Variants in GORASP2 observed in about 807,000 individuals in gnomAD.
GORASP2 encodes Golgi reassembly-stacking protein 2.
GORASP2 carries 22 observed loss-of-function variants against 45.7 expected under a neutral mutation model. That is an observed-to-expected ratio of 0.48 (90% CI 0.34 to 0.69). GORASP2 has a LOEUF of 0.69. Ranked by LOEUF, GORASP2 falls within the 30% of genes least tolerant of loss-of-function variation. The pLI is 0.01. For missense variants in GORASP2, 491 were observed against 562.7 expected, an observed-to-expected ratio of 0.87 and a Z score of 1.29; for synonymous variants, 221 against 215.6, an observed-to-expected ratio of 1.02 and a Z score of -0.22.
At position 170,934,258 on chromosome 2, in the gene GORASP2, TG is replaced by T. The variant is rs201445221; in HGVS notation, c.63+4856del. Among the ~76,000 whole-genome samples the T allele has an allele frequency of 2.8e-3, 407 of 143,632 alleles. 2 individuals carry two copies. Among genetic ancestry groups the T allele is most frequent in the East Asian group, 6.0e-3 (31 of 5,140 alleles). 94.2% of individuals were successfully genotyped at this position (143,632 alleles called of 152,430 possible). ...GAAACTCATACCCTGTTTTTTTTTTTGTTGTTGTTGTTGTTGTTTTGTTTTG... is the reference window on the plus strand; with the variant it reads ...GAAACTCATACCCTGTTTTTTTTTTTTTGTTGTTGTTGTTGTTTTGTTTTG... On this transcript the variant is annotated intron_variant, in intron 1 of 9. Coordinates refer to ENST00000234160, the MANE Select transcript of GORASP2 (RefSeq NM_015530.5).
Position 170,966,218 on chromosome 2 carries a change from TTG to T in GORASP2, c.*90_*91del. On this transcript the variant is annotated 3_prime_UTR_variant, in exon 10 of 10. Coordinates refer to ENST00000234160, the MANE Select transcript of GORASP2 (RefSeq NM_015530.5). ...AAACTATCATTAATTTCATACTAGTTTGTACCGTATCTGTAGGCATCCTGTAA... is the reference window on the plus strand; with the variant it reads ...AAACTATCATTAATTTCATACTAGTTTACCGTATCTGTAGGCATCCTGTAA... 1 of 932,058 alleles carries T rather than the reference TTG, an allele frequency of 1.1e-6. No homozygotes were observed. Among genetic ancestry groups the T allele is most frequent in the Non-Finnish European group, 1.7e-6 (1 of 579,990 alleles). 57.7% of individuals were successfully genotyped at this position (932,058 alleles called of 1,614,324 possible). A position where few individuals can be genotyped will look rare whatever the true frequency, so the allele number is the denominator to read the frequency against.
chr2:170,940,966 CT>C (rs1704063219), intron 1 of GORASP2, among the ~76,000 whole-genome samples: 1 of 152,286 alleles, frequency 6.6e-6, no homozygotes, highest in Non-Finnish European at 1.5e-5. Flanking sequence ...AAAAATCCAG[CT>C]TCTAATCATT....
chr2:170,966,393 C>G lies in GORASP2; in HGVS notation c.*263C>G, dbSNP rs992306587. On this transcript the variant is annotated 3_prime_UTR_variant, in exon 10 of 10. Coordinates refer to ENST00000234160, the MANE Select transcript of GORASP2 (RefSeq NM_015530.5). ...AGGGTGGCTTGCTGCCAGGCTTGCA[C>G]TGCCGTTCCTGGGGGTGTGCATCTT... 3.9e-6 allele frequency: 2 copies of G among 514,752 alleles called. No individual in the cohort carries two copies. Among genetic ancestry groups the G allele is most frequent in the African/African-American group, 3.9e-5 (2 of 51,908 alleles). 31.9% of individuals were successfully genotyped at this position (514,752 alleles called of 1,614,324 possible). A position where few individuals can be genotyped will look rare whatever the true frequency, so the allele number is the denominator to read the frequency against.
rs1186217335 is a variant in GORASP2 at position 170,963,432 on chromosome 2, A to ACTG, written c.1018+504_1018+506dup. On this transcript the variant is annotated intron_variant, in intron 9 of 9. Transcript: ENST00000234160. ...AGAATGTCTCTCAGTCCCCGCTGCT[A>ACTG]CTGCTGCTGCTGCTGCTGCTCCTCC... is the stretch of plus-strand genomic sequence containing the variant. 4.4e-4 allele frequency among the ~76,000 whole-genome samples: 59 copies of ACTG among 133,834 alleles called. 1 individual carries two copies. In the East Asian group the frequency reaches 4.7e-3, roughly 11 times the overall value. The allele number at this position is 133,834 out of a possible 152,430, so 87.8% of individuals were successfully genotyped here.
At chr2:170,929,649 C>A in intron 1 of GORASP2, 1 of 609,352 alleles carries the variant, frequency 1.6e-6, no homozygotes, top group South Asian at 1.7e-5. Flanking sequence ...CGGCTGCCGG[C>A]GACTCGGCCA....
rs547885833 is a variant in GORASP2 at position 170,936,193 on chromosome 2, TAGAA to T, written c.63+6793_63+6796del. Among the ~76,000 whole-genome samples, 4 of 151,042 alleles carry T rather than the reference TAGAA, an allele frequency of 2.6e-5. No homozygotes were observed. The East Asian group carries it at 7.8e-4, about 29-fold the overall frequency. On this transcript the variant is annotated intron_variant, in intron 1 of 9. Transcript: ENST00000234160. ...TAAAATACTAATGTAAACTAGGAAA[TAGAA>T]AGTTTGATATGTGCTTTTGAAACTG...
chr2:170,929,196 C>T (rs1402970701), upstream of GORASP2: 2 of 546,376 alleles, frequency 3.7e-6, no homozygotes, highest in African/African-American at 2.0e-5. Context: ...GCAGCAGAGA[C>T]GATCTCCCGG....
At position 170,948,459 on chromosome 2, in the gene GORASP2, A is replaced by G. The variant is rs554894899; in HGVS notation, c.144+29A>G. The G allele has an allele frequency of 9.9e-6, 12 of 1,213,602 alleles. 1 individual carries two copies. Among genetic ancestry groups the G allele is most frequent in the Non-Finnish European group, 1.3e-5 (11 of 829,162 alleles). 75.2% of individuals were successfully genotyped at this position (1,213,602 alleles called of 1,614,324 possible). ...AGTTCAACTTTCTGTAGTTTTGTCT[A>G]TAGTATTTGTAATCTCTCAAAAATG... On this transcript the variant is annotated intron_variant, in intron 2 of 9. Coordinates refer to ENST00000234160, the MANE Select transcript of GORASP2 (RefSeq NM_015530.5).
In GORASP2 at chr2:170,966,378, G is replaced by C; in HGVS notation, c.*248G>C. 1 of 536,656 alleles carries C rather than the reference G, an allele frequency of 1.9e-6. No individual in the cohort carries two copies. Among genetic ancestry groups the C allele is most frequent in the Non-Finnish European group, 3.3e-6 (1 of 299,188 alleles). 33.2% of individuals were successfully genotyped at this position (536,656 alleles called of 1,614,324 possible). ...CCAAAAAGAATTGTAAGGGTGGCTT[G>C]CTGCCAGGCTTGCACTGCCGTTCCT... On this transcript the variant is annotated 3_prime_UTR_variant, in exon 10 of 10. Transcript: ENST00000234160.
chr2:170,929,481 C>T, intron 1 of GORASP2, 78 bp downstream of exon 1: 1 of 1,112,806 alleles, frequency 9.0e-7, no homozygotes, highest in Non-Finnish European at 1.2e-6. Flanking sequence ...CCCCCATGGG[C>T]TCCTTCACGG....
chr2:170,957,760 C>T (rs1704462845), intron 7 of GORASP2, among the ~76,000 whole-genome samples: 3 of 152,160 alleles, frequency 2.0e-5, no homozygotes, highest in African/African-American at 7.2e-5. Context: ...ATAACCTCAA[C>T]CAATTTCAGA....
At chr2:170,946,287 G>A (rs1704181180) in intron 1 of GORASP2, among the ~76,000 whole-genome samples, 1 of 152,080 alleles carries the variant, frequency 6.6e-6, no homozygotes, top group Non-Finnish European at 1.5e-5. Context: ...ACAGGCATGA[G>A]CCACTGCACC....
intron 1 of GORASP2, chr2:170,929,726 C>A: frequency 1.7e-6 from 1 of 574,194 alleles, no homozygotes. Context: ...CTCCTCCACC[C>A]CCCCTCATTT....
intron 9 of GORASP2, among the ~76,000 whole-genome samples, chr2:170,963,432 A>ACTGCTGCTG (rs1186217335): frequency 2.2e-5 from 3 of 133,828 alleles, no homozygotes; most frequent in Non-Finnish European, 4.7e-5. Flanking sequence ...CCCCGCTGCT[A>ACTGCTGCTG]CTGCTGCTGC....
At chr2:170,952,451 C>T (rs1384254387) in intron 5 of GORASP2, among the ~76,000 whole-genome samples, 1 of 152,184 alleles carries the variant, frequency 6.6e-6, no homozygotes, top group Non-Finnish European at 1.5e-5. Context: ...ATTCCTTCCT[C>T]AGAGGCTGAC....
At chr2:170,943,640 A>AT (rs1704124028) in intron 1 of GORASP2, among the ~76,000 whole-genome samples, 1 of 152,062 alleles carries the variant, frequency 6.6e-6, no homozygotes, top group South Asian at 2.1e-4. Flanking sequence ...AAAGTCTATT[A>AT]TTTTTTCACT....
chr2:170,936,661 A>G, intron 1 of GORASP2: 1 of 1,298,446 alleles, frequency 7.7e-7, no homozygotes, highest in Non-Finnish European at 1.0e-6. Flanking sequence ...TGTCAGAAAT[A>G]AGGAAGCTTA....
chr2:170,959,018 TG>T (rs1704492218), intron 7 of GORASP2, among the ~76,000 whole-genome samples: 1 of 149,818 alleles, frequency 6.7e-6, no homozygotes, highest in Non-Finnish European at 1.5e-5. Context: ...TGGAGTGCAA[TG>T]GCGCTATCTC....
intron 5 of GORASP2, among the ~76,000 whole-genome samples, chr2:170,952,168 C>T (rs545859396): frequency 6.6e-6 from 1 of 152,324 alleles, no homozygotes; most frequent in African/African-American, 2.4e-5. Flanking sequence ...GAAGAATACT[C>T]AGGTCAGATT....
Sources: allele counts gnomAD v4.1 joint callset (sites outside exome capture counted in the v4.1 genomes callset), GRCh38; gene constraint gnomAD v4.1.1; transcripts MANE v1.5; gene names NCBI Gene and HGNC (gene_info 2026-07-23, HGNC 2026-07-21).